C1orf115: variants seen among roughly 807,000 people sequenced by gnomAD.
C1orf115 encodes the protein chromosome 1 open reading frame 115, also known as required for drug-induced death protein 1.
In C1orf115, 14 loss-of-function variants were observed where a neutral mutation model predicts 12.5. The observed-to-expected ratio is 1.12, with a 90% CI of 0.74 to 1.75. The LOEUF is 1.75. Ranked by LOEUF, C1orf115 falls within the 40% of genes most tolerant of loss-of-function variation. The pLI, the probability that C1orf115 is intolerant of heterozygous loss-of-function variation, is 0.00. For synonymous variants in C1orf115, 109 were observed against 104.6 expected (o/e 1.04, Z -0.26); for missense variants, 237 against 220.8 (o/e 1.07, Z -0.46).
In C1orf115 at chr1:220,698,804, A is replaced by G. The variant is rs1268471226; in HGVS notation, c.*2073A>G. The G allele has an allele frequency of 6.6e-6, 1 of 152,174 alleles. No homozygotes were observed. The highest frequency in any genetic ancestry group is 2.4e-5 in the African/African-American group (1 of 41,432). 9.4% of individuals were successfully genotyped at this position (152,174 alleles called of 1,614,324 possible). A position where few individuals can be genotyped will look rare whatever the true frequency, so the allele number is the denominator to read the frequency against. ...CCCTGAAATTCTTAAGAATCTGGTT[A>G]AGAATTAACTCACTAATGTCAAAAG... On this transcript the variant is annotated 3_prime_UTR_variant, in exon 2 of 2. Coordinates refer to ENST00000294889, the MANE Select transcript of C1orf115 (RefSeq NM_024709.5).
rs138595998 is a variant in C1orf115, at chr1:220,696,602, C to G, written c.310-10C>G. On this transcript the variant is annotated splice_polypyrimidine_tract_variant and intron_variant, in intron 1 of 1. Coordinates refer to ENST00000294889, the MANE Select transcript of C1orf115 (RefSeq NM_024709.5). ...AATCCTTTGCTTTTCTCTTTTATTC[C>G]TAACACTAGAATGTCGGGAAGGTCA... 1.8e-4 allele frequency: 279 copies of G among 1,573,548 alleles called. 1 individual carries two copies. In the African/African-American group the frequency reaches 3.1e-3, roughly 17 times the overall value.
intron 1 of C1orf115, among the ~76,000 whole-genome samples, chr1:220,694,895 CA>C (rs2102517530): frequency 6.6e-6 from 1 of 151,732 alleles, no homozygotes; most frequent in African/African-American, 2.4e-5. Context: ...TGAACAACAC[CA>C]ACATTTTAAA....
intron 1 of C1orf115, among the ~76,000 whole-genome samples, chr1:220,695,501 T>G (rs1321328017): frequency 1.4e-5 from 2 of 146,876 alleles, no homozygotes; most frequent in Non-Finnish European, 3.0e-5. Flanking sequence ...TGGGTTTTTT[T>G]TTTTTTTTTT....
intron 1 of C1orf115, among the ~76,000 whole-genome samples, chr1:220,691,037 G>A (rs1467361351): frequency 6.6e-6 from 1 of 152,200 alleles, no homozygotes; most frequent in Non-Finnish European, 1.5e-5. Flanking sequence ...GAATACTGAA[G>A]CGTTAGCGCG....
In C1orf115 at chr1:220,698,615, C is replaced by G. The variant is rs1431995464; in HGVS notation, c.*1884C>G. On this transcript the variant is annotated 3_prime_UTR_variant, in exon 2 of 2. Transcript: ENST00000294889. ...AGTGAGAGCCTGTGCAGGCTGCTGACGAGCCCCAGGCAGCCCACAAGTTTC... is the reference window on the plus strand; with the variant it reads ...AGTGAGAGCCTGTGCAGGCTGCTGAGGAGCCCCAGGCAGCCCACAAGTTTC... 1 of 152,008 alleles carries G rather than the reference C, an allele frequency of 6.6e-6. No homozygotes were observed. Among genetic ancestry groups the G allele is most frequent in the Admixed American group, 6.5e-5 (1 of 15,272 alleles). The allele number at this position is 152,008 out of a possible 1,614,324, so 9.4% of individuals were successfully genotyped here. A position where few individuals can be genotyped will look rare whatever the true frequency, so the allele number is the denominator to read the frequency against.
chr1:220,692,884 G>A (rs2102516652), intron 1 of C1orf115, among the ~76,000 whole-genome samples: 1 of 152,318 alleles, frequency 6.6e-6, no homozygotes, highest in East Asian at 1.9e-4. Flanking sequence ...AGGTAGAGGG[G>A]CCATCACAAG....
intron 1 of C1orf115, among the ~76,000 whole-genome samples, chr1:220,691,865 A>T (rs1670114245): frequency 6.6e-6 from 1 of 152,228 alleles, no homozygotes; most frequent in African/African-American, 2.4e-5. Context: ...AATACAGTGC[A>T]GCCCTGCCCT....
intron 1 of C1orf115, 62 bp downstream of exon 1, chr1:220,690,773 G>A (rs1670090406): frequency 6.6e-7 from 1 of 1,524,016 alleles, no homozygotes; most frequent in South Asian, 1.2e-5. Context: ...GGGGGAGCGG[G>A]AGCCGGGTCC....
chr1:220,690,631 C>G lies in C1orf115; in HGVS notation c.229C>G (p.Arg77Gly). ...GGTGCACTTCGCCCTCCTGCCCGAG[C>G]GCTACGAGCCACTGGAGGAGCCGGC... Reference protein sequence around the residue: ...RRVHFALLPERYEPLEEPAPS... With the variant: ...RRVHFALLPEGYEPLEEPAPS... Residue 77 changes from arginine (R) to glycine (G), a missense_variant, in exon 1 of 2, where the codon CGC becomes GGC. Coordinates refer to ENST00000294889, the MANE Select transcript of C1orf115 (RefSeq NM_024709.5). 1 of 1,559,960 alleles carries G rather than the reference C, an allele frequency of 6.4e-7. No homozygotes were observed. Among genetic ancestry groups the G allele is most frequent in the Non-Finnish European group, 8.6e-7 (1 of 1,156,340 alleles).
chr1:220,695,484 C>T (rs548958493), intron 1 of C1orf115, among the ~76,000 whole-genome samples: 54 of 141,108 alleles, frequency 3.8e-4, no homozygotes, highest in African/African-American at 1.3e-3. Context: ...TGTTCCCTGA[C>T]GATGTCTGGG....
chr1:220,696,373 T>C (rs1036517524), intron 1 of C1orf115, among the ~76,000 whole-genome samples: 4 of 152,224 alleles, frequency 2.6e-5, no homozygotes, highest in African/African-American at 4.8e-5. Context: ...TAAGCTGTGC[T>C]TGAAAGCACT....
In C1orf115 at chr1:220,698,732, AC is replaced by A. The variant is rs1670229406; in HGVS notation, c.*2002del. 6.6e-6 allele frequency: 1 copy of A among 151,976 alleles called. No homozygotes were observed. The highest frequency in any genetic ancestry group is 1.5e-5 in the Non-Finnish European group (1 of 68,042). 9.4% of individuals were successfully genotyped at this position (151,976 alleles called of 1,614,324 possible). A position where few individuals can be genotyped will look rare whatever the true frequency, so the allele number is the denominator to read the frequency against. On this transcript the variant is annotated 3_prime_UTR_variant, in exon 2 of 2. Transcript: ENST00000294889. ...AATCTGTCCCAGGAAGAGCTTCCCC[AC>A]TCCCATCCCCCAAATTGGAAAAACC...
At chr1:220,691,001 G>A (rs1033348263) in intron 1 of C1orf115, among the ~76,000 whole-genome samples, 2 of 152,156 alleles carry the variant, frequency 1.3e-5, no homozygotes, top group Non-Finnish European at 2.9e-5. Flanking sequence ...TGTAAGATCA[G>A]GAATCAGTTT....
At position 220,690,851 on chromosome 1, in the gene C1orf115, C is replaced by A. The variant is rs910143111; in HGVS notation, c.309+140C>A. The A allele has an allele frequency of 4.1e-5, 43 of 1,059,834 alleles. No individual in the cohort carries two copies. The African/African-American group carries it at 5.7e-4, about 14-fold the overall frequency. 65.7% of individuals were successfully genotyped at this position (1,059,834 alleles called of 1,614,324 possible). ...CCCTCCGCCCCCGCTCCCATTCCCT[C>A]GCCGGAGGGAAGCCGCGAGTTGCGA... On this transcript the variant is annotated intron_variant, in intron 1 of 1. Coordinates refer to ENST00000294889, the MANE Select transcript of C1orf115 (RefSeq NM_024709.5).
Position 220,690,852 on chromosome 1 carries a change from G to GCC in C1orf115, c.309+142_309+143dup, listed in dbSNP as rs1670092221. 38 of 1,050,002 alleles carry GCC rather than the reference G, an allele frequency of 3.6e-5. 1 individual carries two copies. In the South Asian group the frequency reaches 6.2e-4, roughly 17 times the overall value. 65.0% of individuals were successfully genotyped at this position (1,050,002 alleles called of 1,614,324 possible). ...CCTCCGCCCCCGCTCCCATTCCCTC[G>GCC]CCGGAGGGAAGCCGCGAGTTGCGAG... On this transcript the variant is annotated intron_variant, in intron 1 of 1. Coordinates refer to ENST00000294889, the MANE Select transcript of C1orf115 (RefSeq NM_024709.5).
chr1:220,694,398 A>T (rs1056861420), intron 1 of C1orf115, among the ~76,000 whole-genome samples: 6 of 152,230 alleles, frequency 3.9e-5, no homozygotes, highest in Admixed American at 6.5e-5. Flanking sequence ...AACCGAGGCC[A>T]TGGGAAATTA....
rs767414807 is a variant in C1orf115, at chr1:220,696,625, T to G, written c.323T>G (p.Val108Gly). The G allele has an allele frequency of 1.3e-6, 2 of 1,589,494 alleles. No individual in the cohort carries two copies. The highest frequency in any genetic ancestry group is 1.7e-6 in the Non-Finnish European group (2 of 1,159,668). The change falls in exon 2 of 2, where the codon GTC becomes GGC. Residue 108 changes from valine to glycine, a missense_variant. Transcript: ENST00000294889. ...LKKYGKNVGK[V>G]IIKGCRYVVI... is the part of the protein sequence containing the mutation. ...TCCTAACACTAGAATGTCGGGAAGG[T>G]CATCATCAAAGGATGCCGCTACGTG...
At chr1:220,696,139 G>A (rs542668221) in intron 1 of C1orf115, among the ~76,000 whole-genome samples, 55 of 152,280 alleles carry the variant, frequency 3.6e-4, no homozygotes, top group Non-Finnish European at 1.5e-4. Flanking sequence ...ACAGATGTGT[G>A]GGTCAGACAG....
rs752590937 is a variant in C1orf115, at chr1:220,690,679, A to T, written c.277A>T (p.Arg93Trp). 2 of 1,596,154 alleles carry T rather than the reference A, an allele frequency of 1.3e-6. No homozygotes were observed. The highest frequency in any genetic ancestry group is 1.1e-5 in the South Asian group (1 of 88,906). Residue 93 changes from arginine to tryptophan, a missense_variant, in exon 1 of 2, where the codon AGG (arginine) becomes TGG (tryptophan). Transcript: ENST00000294889. ...GGCGCCGAGCGAGCAGCCCAGGAAGAGGTACCGGAGGAAGCTGAAGAAGTA... is the reference window on the plus strand; with the variant it reads ...GGCGCCGAGCGAGCAGCCCAGGAAGTGGTACCGGAGGAAGCTGAAGAAGTA... ...EPAPSEQPRK[R>W]YRRKLKKYGK...
Sources: gnomAD v4.1 joint callset for allele counts (sites outside exome capture counted in the v4.1 genomes callset) on GRCh38, gnomAD v4.1.1 for gene constraint, MANE v1.5 for transcripts, NCBI Gene and HGNC (gene_info 2026-07-23, HGNC 2026-07-21) for gene names.